PGBD5: variants seen among roughly 807,000 people sequenced by gnomAD.
PGBD5 encodes piggyBac transposable element-derived protein 5.
A neutral mutation model predicts 47.9 loss-of-function variants in PGBD5; 14 were observed. That is an observed-to-expected ratio of 0.29 (90% confidence interval 0.19 to 0.46). PGBD5 has a LOEUF of 0.46. PGBD5 is among the 20% of genes least tolerant of loss of function. The probability of loss-of-function intolerance (pLI) is 1.00; values close to 1 mark genes in which losing one functional copy is unlikely to be tolerated. For synonymous variants in PGBD5, 316 were observed against 306.3 expected (o/e 1.03, Z -0.33); for missense variants, 635 against 716.0 (o/e 0.89, Z 1.29).
chr1:230,391,851 C>T (rs1004950719), intron 1 of PGBD5, among the ~76,000 whole-genome samples: 10 of 152,210 alleles, frequency 6.6e-5, no homozygotes, highest in South Asian at 2.1e-4. Context: ...CAATAAAAAA[C>T]GAGCCCCATG....
At chr1:230,390,735 T>C (rs1304060739) in intron 1 of PGBD5, among the ~76,000 whole-genome samples, 1 of 152,042 alleles carries the variant, frequency 6.6e-6, no homozygotes, top group East Asian at 1.9e-4. Context: ...CAGAGGCTCA[T>C]TGCCAGTTTT....
intron 3 of PGBD5, among the ~76,000 whole-genome samples, chr1:230,339,623 A>T (rs1275774565): frequency 1.3e-5 from 2 of 149,394 alleles, no homozygotes; most frequent in African/African-American, 4.9e-5. Flanking sequence ...ATCAGTGGAT[A>T]AGTGGATAAA....
At position 230,367,685 on chromosome 1, in the gene PGBD5, C is replaced by A. The variant is rs553399259; in HGVS notation, c.332-10364G>T. 2.6e-5 allele frequency among the ~76,000 whole-genome samples: 4 copies of A among 152,304 alleles called. No individual in the cohort carries two copies. The South Asian group carries it at 8.3e-4, about 32-fold the overall frequency. Reference sequence around the variant, plus strand: ...TGCACTCCAGCCTGGGTGACAGAGACCCTGTCTCTTAAAAAATAATAAAAT... The same window carrying A: ...TGCACTCCAGCCTGGGTGACAGAGAACCTGTCTCTTAAAAAATAATAAAAT... On this transcript the variant is annotated intron_variant, in intron 1 of 6. Coordinates refer to ENST00000391860, the MANE Select transcript of PGBD5 (RefSeq NM_001258311.2).
intron 3 of PGBD5, among the ~76,000 whole-genome samples, chr1:230,338,247 T>C (rs1366441103): frequency 6.6e-6 from 1 of 152,252 alleles, no homozygotes; most frequent in Non-Finnish European, 1.5e-5. Context: ...TTCAACAGCA[T>C]CCGTTTATGA....
At chr1:230,327,551 T>C (rs1186507335) in intron 5 of PGBD5, among the ~76,000 whole-genome samples, 1 of 151,760 alleles carries the variant, frequency 6.6e-6, no homozygotes, top group Non-Finnish European at 1.5e-5. Context: ...TGGCAATGAG[T>C]TTCCTAAAGC....
intron 1 of PGBD5, among the ~76,000 whole-genome samples, chr1:230,359,299 A>G (rs1279944980): frequency 6.6e-6 from 1 of 152,140 alleles, no homozygotes; most frequent in African/African-American, 2.4e-5. Context: ...TCTGACCTCA[A>G]GAGATTGGCC....
At chr1:230,422,801 A>G (rs938845959) in intron 1 of PGBD5, among the ~76,000 whole-genome samples, 7 of 152,112 alleles carry the variant, frequency 4.6e-5, no homozygotes, top group African/African-American at 1.7e-4. Flanking sequence ...TCCCACCTTA[A>G]CTACAGAAAT....
chr1:230,335,628 CACACAG>C (rs1667299213), intron 4 of PGBD5, among the ~76,000 whole-genome samples: 1 of 100,956 alleles, frequency 9.9e-6, no homozygotes, highest in Non-Finnish European at 2.2e-5. Flanking sequence ...CACAGGTACA[CACACAG>C]ACACAAACAC....
At chr1:230,367,836 TCGCGTC>T (rs1667862849) in intron 1 of PGBD5, 31 of 111,402 alleles carry the variant, frequency 2.8e-4, no homozygotes, top group Middle Eastern at 3.2e-3. Context: ...AAGAGCATTC[TCGCGTC>T]CAATTTCATT....
Position 230,384,091 on chromosome 1 carries a change from C to T in PGBD5, c.332-26770G>A, listed in dbSNP as rs143785965. On this transcript the variant is annotated intron_variant, in intron 1 of 6. Coordinates refer to ENST00000391860, the MANE Select transcript of PGBD5 (RefSeq NM_001258311.2). ...GGTTTTCTGCACAGACGGAAAGATT[C>T]CTGATTTCTTTGGGGGAATACTTTT... Among the ~76,000 whole-genome samples, 586 of 152,274 alleles carry T rather than the reference C, an allele frequency of 3.8e-3. 4 individuals are homozygous for T. Among genetic ancestry groups the T allele is most frequent in the African/African-American group, 0.014 (566 of 41,548 alleles).
At chr1:230,393,224 G>A (rs1354364083) in intron 1 of PGBD5, among the ~76,000 whole-genome samples, 1 of 148,646 alleles carries the variant, frequency 6.7e-6, no homozygotes, top group African/African-American at 2.5e-5. Context: ...AGGGAAAGGA[G>A]GAGAGGAGGA....
At position 230,328,231 on chromosome 1, in the gene PGBD5, G is replaced by T. The variant is rs1280701083; in HGVS notation, c.1274-2816C>A. 2.6e-5 allele frequency among the ~76,000 whole-genome samples: 4 copies of T among 152,104 alleles called. No individual in the cohort carries two copies. The South Asian group carries it at 8.3e-4, about 32-fold the overall frequency. ...TCACTGTCCCAATCTACCTCACCAC[G>T]GGACATGGGAGACCTTCTTTAACTC... On this transcript the variant is annotated intron_variant, in intron 5 of 6. Transcript: ENST00000391860.
rs1481080681 is a variant in PGBD5, at chr1:230,425,415, C to A, written c.331+183G>T. Among the ~76,000 whole-genome samples, 1 of 152,200 alleles carries A rather than the reference C, an allele frequency of 6.6e-6. No homozygotes were observed. Among genetic ancestry groups the A allele is most frequent in the Non-Finnish European group, 1.5e-5 (1 of 68,026 alleles). On this transcript the variant is annotated intron_variant, in intron 1 of 6. Transcript: ENST00000391860. The surrounding 1 kb of genome is among the most constrained non-coding windows in gnomAD (Gnocchi z 4.7). ...CGGCCTCCGCCTTACCCTCTCCACC[C>A]ACGGGTTCGGAGCCCCCAGGAGCAG...
intron 1 of PGBD5, among the ~76,000 whole-genome samples, chr1:230,368,576 G>A (rs1337028046): frequency 6.6e-6 from 1 of 152,254 alleles, no homozygotes; most frequent in Non-Finnish European, 1.5e-5. Context: ...ATGACGCAGG[G>A]GGATGATGAC....
intron 1 of PGBD5, among the ~76,000 whole-genome samples, chr1:230,373,165 T>A (rs1667954460): frequency 6.6e-6 from 1 of 152,204 alleles, no homozygotes; most frequent in African/African-American, 2.4e-5. Context: ...TTTGCTCAGG[T>A]GCTCACAGGA....
At position 230,323,689 on chromosome 1, in the gene PGBD5, C is replaced by A. The variant is rs1243179216; in HGVS notation, c.1380-69G>T. On this transcript the variant is annotated intron_variant, in intron 6 of 6. Coordinates refer to ENST00000391860, the MANE Select transcript of PGBD5 (RefSeq NM_001258311.2). The surrounding 1 kb of genome is among the most constrained non-coding windows in gnomAD (Gnocchi z 4.1). ...GCACCCGGAGATGCATCCCAAAGGC[C>A]CCCCCTCACCACAGCCCGTGAGACG... 3 of 1,337,124 alleles carry A rather than the reference C, an allele frequency of 2.2e-6. No homozygotes were observed. The highest frequency in any genetic ancestry group is 4.9e-5 in the East Asian group (2 of 40,970). The allele number at this position is 1,337,124 out of a possible 1,614,324, so 82.8% of individuals were successfully genotyped here. A position where few individuals can be genotyped will look rare whatever the true frequency, so the allele number is the denominator to read the frequency against.
intron 5 of PGBD5, among the ~76,000 whole-genome samples, chr1:230,329,123 G>GA (rs1553281237): frequency 2.4e-5 from 2 of 82,398 alleles, no homozygotes; most frequent in South Asian, 3.5e-4. Context: ...ATTTTTTTTT[G>GA]GGGGGGGAGG....
At chr1:230,410,029 G>C (rs1168654828) in intron 1 of PGBD5, among the ~76,000 whole-genome samples, 1 of 152,134 alleles carries the variant, frequency 6.6e-6, no homozygotes, top group African/African-American at 2.4e-5. Context: ...AATTTATGCT[G>C]TTCAAGAGAC....
At position 230,318,698 on chromosome 1, in the gene PGBD5, A is replaced by C. The variant is rs1421606420; in HGVS notation, c.*4727T>G. On this transcript the variant is annotated 3_prime_UTR_variant, in exon 7 of 7. Transcript: ENST00000391860. ...GCGCCTCTGGCCTAGATCCCAGGGC[A>C]CTCTGATGAGACCCCACAGCTGGCT... 1 of 152,164 alleles carries C rather than the reference A, an allele frequency of 6.6e-6. No individual in the cohort carries two copies. The highest frequency in any genetic ancestry group is 2.1e-4 in the South Asian group (1 of 4,828). The allele number at this position is 152,164 out of a possible 1,614,324, so 9.4% of individuals were successfully genotyped here.
Sources: gnomAD v4.1 joint callset for allele counts (sites outside exome capture counted in the v4.1 genomes callset) on GRCh38, gnomAD v4.1.1 for gene constraint, Gnocchi (gnomAD v3.1) non-coding constraint, MANE v1.5 for transcripts, NCBI Gene and HGNC (gene_info 2026-07-23, HGNC 2026-07-21) for gene names.